The following CAMK2D variants were observed in gnomAD, a reference collection of about 807,000 sequenced individuals.
CAMK2D encodes the protein calcium/calmodulin-dependent protein kinase type II subunit delta.
A neutral mutation model predicts 84.0 loss-of-function variants in CAMK2D; 37 were observed. The ratio of observed to expected loss-of-function variants is 0.44; its 90% CI spans 0.34 to 0.58. The LOEUF is 0.58. CAMK2D is among the 20% of genes least tolerant of loss of function. The probability of loss-of-function intolerance (pLI) is 0.02; values close to 1 mark genes in which losing one functional copy is unlikely to be tolerated. For synonymous variants in CAMK2D, 202 were observed against 212.5 expected (o/e 0.95, Z 0.43); for missense variants, 448 against 652.5 (o/e 0.69, Z 3.41).
intron 16 of CAMK2D, among the ~76,000 whole-genome samples, chr4:113,480,835 C>T (rs2097692866): frequency 6.6e-6 from 1 of 151,726 alleles, no homozygotes; most frequent in African/African-American, 2.4e-5. Context: ...GGTGAGACTC[C>T]TCTTCAAAAA....
At position 113,761,397 on chromosome 4, in the gene CAMK2D, G is replaced by T; in HGVS notation, c.-329C>A. The T allele has an allele frequency of 8.0e-7, 1 of 1,254,294 alleles. No homozygotes were observed. The highest frequency in any genetic ancestry group is 1.0e-6 in the Non-Finnish European group (1 of 988,588). The allele number at this position is 1,254,294 out of a possible 1,614,324, so 77.7% of individuals were successfully genotyped here. A position where few individuals can be genotyped will look rare whatever the true frequency, so the allele number is the denominator to read the frequency against. The stretch of plus-strand genomic sequence containing the variant: ...GGGGGTAAAGTACTCAAGAAGAGGG[G>T]GCCGGGAAATGGAAAAACAGCCAGG... On this transcript the variant is annotated 5_prime_UTR_variant, in exon 1 of 21. Transcript: ENST00000511664.
chr4:113,482,442 T>C lies in CAMK2D; in HGVS notation c.1136-16838A>G, dbSNP rs189310187. Reference sequence around the variant, plus strand: ...AAAGCACTAGAATATAACATAGTCATATCAATTCAGTTTTCTTAGATGCAT... The same window carrying C: ...AAAGCACTAGAATATAACATAGTCACATCAATTCAGTTTTCTTAGATGCAT... On this transcript the variant is annotated intron_variant, in intron 16 of 20. Transcript: ENST00000511664. 2.6e-5 allele frequency among the ~76,000 whole-genome samples: 4 copies of C among 152,302 alleles called. No individual in the cohort carries two copies. In the East Asian group the frequency reaches 7.7e-4, roughly 29 times the overall value.
At chr4:113,466,289 T>TAAATAA (rs1564431831) in intron 16 of CAMK2D, among the ~76,000 whole-genome samples, 9 of 87,372 alleles carry the variant, frequency 1.0e-4, no homozygotes, top group South Asian at 4.1e-4. Flanking sequence ...TAAATAAATA[T>TAAATAA]AAAATAAAAT....
chr4:113,466,775 C>T (rs891894278), intron 16 of CAMK2D, among the ~76,000 whole-genome samples: 4 of 152,160 alleles, frequency 2.6e-5, no homozygotes, highest in African/African-American at 9.6e-5. Flanking sequence ...CTCAAGTGTT[C>T]TTTCTCTTTT....
intron 3 of CAMK2D, among the ~76,000 whole-genome samples, chr4:113,636,337 A>G (rs2099109725): frequency 6.6e-6 from 1 of 152,110 alleles, no homozygotes; most frequent in Non-Finnish European, 1.5e-5. Flanking sequence ...TGCTACCTCA[A>G]TTCAAGCCAC....
chr4:113,480,251 C>T (rs1481081476), intron 16 of CAMK2D, among the ~76,000 whole-genome samples: 2 of 152,126 alleles, frequency 1.3e-5, no homozygotes, highest in African/African-American at 4.8e-5. Context: ...GCGTGAACTA[C>T]CGCACCCGGC....
In CAMK2D at chr4:113,761,536, C is replaced by T; in HGVS notation, c.-468G>A. 1.0e-6 allele frequency: 1 copy of T among 1,001,366 alleles called. No homozygotes were observed. The highest frequency in any genetic ancestry group is 1.2e-6 in the Non-Finnish European group (1 of 839,684). The allele number at this position is 1,001,366 out of a possible 1,614,324, so 62.0% of individuals were successfully genotyped here. A position where few individuals can be genotyped will look rare whatever the true frequency, so the allele number is the denominator to read the frequency against. ...GTGGAGTGCAGCGGGGCCGAGGCCG[C>T]GGAGCCCAGAGCGGACAGCCTGAGC... On this transcript the variant is annotated 5_prime_UTR_variant, in exon 1 of 21. Coordinates refer to ENST00000511664, the MANE Select transcript of CAMK2D (RefSeq NM_001321571.2).
At chr4:113,700,265 C>T (rs2099413974) in intron 2 of CAMK2D, among the ~76,000 whole-genome samples, 1 of 152,082 alleles carries the variant, frequency 6.6e-6, no homozygotes, top group Admixed American at 6.6e-5. Context: ...TTACTTTTGT[C>T]AATAAAATTT....
chr4:113,672,033 C>T (rs1445639487), intron 2 of CAMK2D, among the ~76,000 whole-genome samples: 2 of 151,856 alleles, frequency 1.3e-5, no homozygotes, highest in Admixed American at 6.6e-5. Context: ...ATGCATGTTC[C>T]TTGTTATGCT....
rs867362180 is a variant in CAMK2D at position 113,489,279 on chromosome 4, T to G, written c.1135+11184A>C. 3.4e-3 allele frequency among the ~76,000 whole-genome samples: 398 copies of G among 117,632 alleles called. 5 individuals are homozygous for G. The highest frequency in any genetic ancestry group is 0.012 in the African/African-American group (383 of 32,156). The allele number at this position is 117,632 out of a possible 152,430, so 77.2% of individuals were successfully genotyped here. On this transcript the variant is annotated intron_variant, in intron 16 of 20. Transcript: ENST00000511664. Reference sequence around the variant, plus strand: ...GCATTAGGTATATCTCCCGATGCTATCCCTCCCCCCTCCCCCCACCCCACA... The same window carrying G: ...GCATTAGGTATATCTCCCGATGCTAGCCCTCCCCCCTCCCCCCACCCCACA...
intron 2 of CAMK2D, among the ~76,000 whole-genome samples, chr4:113,713,641 C>T (rs1340603668): frequency 1.3e-5 from 2 of 150,750 alleles, no homozygotes; most frequent in Middle Eastern, 3.2e-3. Flanking sequence ...TTTAACATTA[C>T]TCATATCATT....
intron 4 of CAMK2D, among the ~76,000 whole-genome samples, chr4:113,555,084 T>A (rs1284923495): frequency 1.3e-5 from 2 of 152,230 alleles, no homozygotes; most frequent in African/African-American, 2.4e-5. Context: ...AAATTGTTCT[T>A]CTGTTTCTAG....
chr4:113,477,947 A>G (rs2154125180), intron 16 of CAMK2D, among the ~76,000 whole-genome samples: 1 of 152,328 alleles, frequency 6.6e-6, no homozygotes, highest in East Asian at 1.9e-4. Context: ...TCAAAATTTA[A>G]TGTATAGTAG....
intron 2 of CAMK2D, among the ~76,000 whole-genome samples, chr4:113,693,328 C>G (rs201697071): frequency 1.3e-5 from 2 of 152,248 alleles, no homozygotes; most frequent in East Asian, 3.9e-4. Flanking sequence ...AGGGCCTTAG[C>G]TAGTTCTGCT....
Position 113,761,422 on chromosome 4 carries a change from G to A in CAMK2D, c.-354C>T. The A allele has an allele frequency of 8.3e-7, 1 of 1,210,664 alleles. No homozygotes were observed. The highest frequency in any genetic ancestry group is 1.8e-5 in the South Asian group (1 of 56,020). The allele number at this position is 1,210,664 out of a possible 1,614,324, so 75.0% of individuals were successfully genotyped here. A position where few individuals can be genotyped will look rare whatever the true frequency, so the allele number is the denominator to read the frequency against. ...GGCCGGGAAATGGAAAAACAGCCAG[G>A]CACGGGACGAGTGGCAAGCAGTTGC... On this transcript the variant is annotated 5_prime_UTR_variant, in exon 1 of 21. Transcript: ENST00000511664.
intron 16 of CAMK2D, among the ~76,000 whole-genome samples, chr4:113,468,468 G>C (rs567885689): frequency 6.6e-6 from 1 of 152,218 alleles, no homozygotes; most frequent in African/African-American, 2.4e-5. Flanking sequence ...GCTTGAGTGA[G>C]TCACAGGCGG....
intron 8 of CAMK2D, among the ~76,000 whole-genome samples, chr4:113,523,204 T>G (rs891399228): frequency 6.6e-6 from 1 of 152,160 alleles, no homozygotes. Context: ...GTGACTTTGT[T>G]ATAGCAGCCT....
chr4:113,647,054 C>T (rs1275213566), intron 3 of CAMK2D, among the ~76,000 whole-genome samples: 1 of 152,130 alleles, frequency 6.6e-6, no homozygotes, highest in Non-Finnish European at 1.5e-5. Context: ...GCAGTTGTTA[C>T]ACCATAGTAA....
At chr4:113,597,187 C>T (rs944196317) in intron 4 of CAMK2D, among the ~76,000 whole-genome samples, 1 of 152,182 alleles carries the variant, frequency 6.6e-6, no homozygotes, top group African/African-American at 2.4e-5. Context: ...GCATTAATCC[C>T]TCATGAGAAA....
Sources: allele counts gnomAD v4.1 joint callset (sites outside exome capture counted in the v4.1 genomes callset), GRCh38; gene constraint gnomAD v4.1.1; transcripts MANE v1.5; gene names NCBI Gene and HGNC (gene_info 2026-07-23, HGNC 2026-07-21).